TNIK: variants seen among roughly 807,000 people sequenced by gnomAD.
The protein encoded by TNIK is TRAF2 and NCK-interacting protein kinase.
Under a neutral mutation model 191.3 loss-of-function variants are expected in TNIK, and 49 were observed. That is an observed-to-expected ratio of 0.26 (90% CI 0.20 to 0.32). The LOEUF (loss-of-function observed/expected upper bound fraction) is 0.32. Among genes scored for constraint, TNIK ranks in the 10% least tolerant of loss-of-function variants. The probability of loss-of-function intolerance (pLI) is 1.00; values close to 1 mark genes in which losing one functional copy is unlikely to be tolerated. For missense variants in TNIK, 1,155 were observed against 1,702.3 expected (o/e 0.68, Z 5.66); for synonymous variants, 594 against 600.9 (o/e 0.99, Z 0.17).
intron 1 of TNIK, among the ~76,000 whole-genome samples, chr3:171,458,485 T>C (rs1320248709): frequency 2.0e-5 from 3 of 152,164 alleles, no homozygotes; most frequent in Non-Finnish European, 4.4e-5. Flanking sequence ...AACTCCTTAC[T>C]TGCCTTGCTG....
intron 15 of TNIK, among the ~76,000 whole-genome samples, chr3:171,133,461 T>C (rs1327249936): frequency 6.6e-6 from 1 of 152,202 alleles, no homozygotes; most frequent in African/African-American, 2.4e-5. Flanking sequence ...ATACCATATT[T>C]CATTTGAATT....
intron 10 of TNIK, among the ~76,000 whole-genome samples, chr3:171,163,381 T>C (rs762692186): frequency 1.3e-5 from 2 of 152,228 alleles, no homozygotes; most frequent in Non-Finnish European, 2.9e-5. Flanking sequence ...TTTAGTTATG[T>C]TACCACCAGG....
chr3:171,320,239 T>G (rs1003032002), intron 2 of TNIK, among the ~76,000 whole-genome samples: 7 of 152,178 alleles, frequency 4.6e-5, no homozygotes, highest in African/African-American at 1.7e-4. Flanking sequence ...CATAGACATT[T>G]TGATTTAAAT....
rs562551934 is a variant in TNIK at position 171,059,273 on chromosome 3, A to C, written c.*4608T>G. Among the ~76,000 whole-genome samples the C allele has an allele frequency of 6.6e-6, 1 of 152,356 alleles. No individual in the cohort carries two copies. The highest frequency in any genetic ancestry group is 6.5e-5 in the Admixed American group (1 of 15,296). On this transcript the variant is annotated 3_prime_UTR_variant, in exon 33 of 33. Transcript: ENST00000436636. ...TGTCATCATGGACTCAGAAGAATCC[A>C]AGATTTTGATCTAGATTTAAAATAA...
chr3:171,211,552 T>C (rs1740823565), intron 3 of TNIK, among the ~76,000 whole-genome samples: 2 of 152,294 alleles, frequency 1.3e-5, no homozygotes, highest in Admixed American at 1.3e-4. Flanking sequence ...AAATTCACTG[T>C]AGGCCTCTGG....
At chr3:171,305,253 A>G (rs1753329160) in intron 2 of TNIK, among the ~76,000 whole-genome samples, 1 of 152,114 alleles carries the variant, frequency 6.6e-6, no homozygotes, top group Admixed American at 6.6e-5. Context: ...ACTGAGGAAA[A>G]GGCTACAATG....
intron 5 of TNIK, among the ~76,000 whole-genome samples, chr3:171,192,638 T>C (rs556388368): frequency 1.3e-5 from 2 of 152,308 alleles, no homozygotes; most frequent in Non-Finnish European, 2.9e-5. Flanking sequence ...TCCCCAGCAG[T>C]GCAGAAAGGC....
intron 1 of TNIK, among the ~76,000 whole-genome samples, chr3:171,402,339 A>T (rs1197142285): frequency 6.6e-6 from 1 of 152,240 alleles, no homozygotes; most frequent in Non-Finnish European, 1.5e-5. Flanking sequence ...AAATTAAGAA[A>T]AGAAAGTAAG....
intron 15 of TNIK, among the ~76,000 whole-genome samples, chr3:171,129,365 C>T (rs927479449): frequency 2.0e-5 from 3 of 152,226 alleles, no homozygotes; most frequent in African/African-American, 4.8e-5. Flanking sequence ...CATTTCTTCA[C>T]GTGTCCTACT....
At chr3:171,080,532 G>A (rs988369288) in intron 27 of TNIK, among the ~76,000 whole-genome samples, 1 of 151,876 alleles carries the variant, frequency 6.6e-6, no homozygotes, top group Admixed American at 6.6e-5. Context: ...TGCTTCCTGG[G>A]TTCAAGCGAT....
intron 1 of TNIK, among the ~76,000 whole-genome samples, chr3:171,430,164 A>T (rs1344244573): frequency 1.3e-5 from 2 of 152,174 alleles, no homozygotes; most frequent in East Asian, 3.8e-4. Context: ...GCAAAACACC[A>T]AATACGGTAT....
chr3:171,305,050 G>A (rs1439287947), intron 2 of TNIK, among the ~76,000 whole-genome samples: 6 of 133,880 alleles, frequency 4.5e-5, no homozygotes, highest in South Asian at 2.4e-4. Flanking sequence ...CTGCCACAGG[G>A]AAAAAAAAAA....
chr3:171,412,787 A>T (rs1380193570), intron 1 of TNIK, among the ~76,000 whole-genome samples: 1 of 152,252 alleles, frequency 6.6e-6, no homozygotes, highest in Non-Finnish European at 1.5e-5. Context: ...TTTCCTTGCC[A>T]GCAAAATAGG....
At chr3:171,429,772 C>G (rs1233484516) in intron 1 of TNIK, among the ~76,000 whole-genome samples, 1 of 152,168 alleles carries the variant, frequency 6.6e-6, no homozygotes, top group African/African-American at 2.4e-5. Context: ...CTTCTCTACT[C>G]TATGTTAATT....
chr3:171,211,315 T>A (rs1055413174), intron 3 of TNIK, 74 bp from the exon 4 acceptor site: 22 of 1,491,636 alleles, frequency 1.5e-5, no homozygotes, highest in Non-Finnish European at 2.0e-5. Flanking sequence ...TTCAACACCA[T>A]CTAAATTTTT....
chr3:171,194,649 C>T lies in TNIK; in HGVS notation c.307-14G>A. The T allele has an allele frequency of 6.3e-7, 1 of 1,584,868 alleles. No individual in the cohort carries two copies. Among genetic ancestry groups the T allele is most frequent in the Non-Finnish European group, 8.6e-7 (1 of 1,167,958 alleles). On this transcript the variant is annotated splice_polypyrimidine_tract_variant and intron_variant, in intron 4 of 32. Coordinates refer to ENST00000436636, the MANE Select transcript of TNIK (RefSeq NM_015028.4). ...CTCCATCACCAACTGGCAAAGGAAG[C>T]AAACAAGCCATTATTTTAATGATGC...
At chr3:171,258,513 C>T (rs1747173108) in intron 2 of TNIK, among the ~76,000 whole-genome samples, 1 of 152,248 alleles carries the variant, frequency 6.6e-6, no homozygotes, top group South Asian at 2.1e-4. Flanking sequence ...GAAAGGAATG[C>T]CAACAGGCTC....
chr3:171,289,624 T>C (rs1205245600), intron 2 of TNIK, among the ~76,000 whole-genome samples: 1 of 152,174 alleles, frequency 6.6e-6, no homozygotes, highest in East Asian at 1.9e-4. Context: ...AGAAGGCTGG[T>C]TGAGCTAGGT....
intron 15 of TNIK, among the ~76,000 whole-genome samples, chr3:171,132,393 T>C (rs916824938): frequency 1.3e-5 from 2 of 152,142 alleles, no homozygotes; most frequent in Admixed American, 1.3e-4. Flanking sequence ...TAGCATTATA[T>C]AGAGAGAAAA....
Sources: allele counts gnomAD v4.1 joint callset (sites outside exome capture counted in the v4.1 genomes callset), GRCh38; gene constraint gnomAD v4.1.1; transcripts MANE v1.5; gene names NCBI Gene and HGNC (gene_info 2026-07-23, HGNC 2026-07-21).